The following SLC7A8 variants were observed in gnomAD, a reference collection of about 807,000 sequenced individuals.
The protein encoded by SLC7A8 is large neutral amino acids transporter small subunit 2.
Under a neutral mutation model 51.2 loss-of-function variants are expected in SLC7A8, and 30 were observed. The ratio of observed to expected loss-of-function variants is 0.59; its 90% confidence interval spans 0.44 to 0.80. SLC7A8 has a LOEUF of 0.80. SLC7A8 is among the 30% of genes least tolerant of loss of function. The pLI is 0.00. For missense variants in SLC7A8, 612 were observed against 674.4 expected, an observed-to-expected ratio of 0.91 and a Z score of 1.03; for synonymous variants, 257 against 275.8, an observed-to-expected ratio of 0.93 and a Z score of 0.67.
intron 1 of SLC7A8, among the ~76,000 whole-genome samples, chr14:23,175,463 C>T (rs1029440629): frequency 7.2e-5 from 11 of 152,202 alleles, no homozygotes; most frequent in African/African-American, 2.4e-4. Flanking sequence ...CCCACCTTGG[C>T]CTCCCAAAGT....
intron 1 of SLC7A8, among the ~76,000 whole-genome samples, chr14:23,171,114 G>A (rs2048973478): frequency 6.6e-6 from 1 of 152,162 alleles, no homozygotes; most frequent in African/African-American, 2.4e-5. Context: ...CTCATTGTCT[G>A]TAAAGCCACT....
chr14:23,173,883 C>T (rs2048987122), intron 1 of SLC7A8, among the ~76,000 whole-genome samples: 1 of 152,148 alleles, frequency 6.6e-6, no homozygotes, highest in Non-Finnish European at 1.5e-5. Flanking sequence ...CCAAGTGATC[C>T]TCCCACCTCA....
At position 23,129,708 on chromosome 14, in the gene SLC7A8, G is replaced by A. The variant is rs758342760; in HGVS notation, c.1205C>T (p.Thr402Met). 68 of 1,614,110 alleles carry A rather than the reference G, an allele frequency of 4.2e-5. No homozygotes were observed. Among genetic ancestry groups the A allele is most frequent in the Non-Finnish European group, 5.4e-5 (64 of 1,180,040 alleles). ...GFINYLFYGVTVAGQIVLRWK... is the reference protein window; with the variant it reads ...GFINYLFYGVMVAGQIVLRWK... ...GCGAAGGACTATCTGTCCAGCAACC[G>A]TGACCCCATAGAAGAGGTAGTTGAT... is the stretch of plus-strand genomic sequence containing the variant. The change falls in exon 9 of 11, where the codon ACG becomes ATG. Residue 402 changes from threonine (T) to methionine (M), a missense_variant. By Grantham distance (81) the Thr-to-Met change is moderately conservative. Transcript: ENST00000316902.
chr14:23,164,610 CTTT>C (rs113840221), intron 3 of SLC7A8, among the ~76,000 whole-genome samples: 2 of 134,362 alleles, frequency 1.5e-5, no homozygotes, highest in African/African-American at 3.0e-5. Context: ...AAGTTTCTTT[CTTT>C]TTTTTTTTTT....
chr14:23,183,159 G>C lies in SLC7A8; in HGVS notation c.-245C>G, dbSNP rs368673656. The stretch of plus-strand genomic sequence containing the variant: ...TGCTAAAAAAAAAAAAAAAAAAAAA[G>C]GCCAGGGGAGACATACATTTAAATA... On this transcript the variant is annotated 5_prime_UTR_variant, in exon 1 of 11. Coordinates refer to ENST00000316902, the MANE Select transcript of SLC7A8 (RefSeq NM_012244.4). 3.5e-6 allele frequency: 1 copy of C among 285,518 alleles called. No homozygotes were observed. Among genetic ancestry groups the C allele is most frequent in the Non-Finnish European group, 6.1e-6 (1 of 164,862 alleles). 17.7% of individuals were successfully genotyped at this position (285,518 alleles called of 1,614,324 possible).
intron 1 of SLC7A8, among the ~76,000 whole-genome samples, chr14:23,178,477 C>T (rs1195513099): frequency 6.6e-6 from 1 of 152,148 alleles, no homozygotes; most frequent in Non-Finnish European, 1.5e-5. Context: ...TTCCCAGCAG[C>T]CCTGCAGATA....
chr14:23,140,331 A>T, intron 5 of SLC7A8, 140 bp downstream of exon 5: 2 of 914,992 alleles, frequency 2.2e-6, no homozygotes, highest in Non-Finnish European at 3.3e-6. Context: ...GAAATGAACT[A>T]CGACTTCAGG....
intron 3 of SLC7A8, chr14:23,155,192 T>TC: frequency 6.5e-7 from 1 of 1,535,858 alleles, no homozygotes; most frequent in Non-Finnish European, 8.7e-7. Context: ...CGGAACCCCC[T>TC]CCAAAGGAGA....
intron 3 of SLC7A8, 138 bp from the exon 4 acceptor site, chr14:23,143,342 C>A: frequency 1.7e-6 from 2 of 1,199,944 alleles, no homozygotes; most frequent in African/African-American, 1.5e-5. Context: ...AAGCTCAACC[C>A]CAGGGACCAG....
chr14:23,139,365 C>T (rs2048720278), intron 6 of SLC7A8, 59 bp downstream of exon 6: 3 of 1,610,544 alleles, frequency 1.9e-6, no homozygotes, highest in South Asian at 2.2e-5. Context: ...AGTGGGGCTA[C>T]AGCAGGCAAG....
intron 1 of SLC7A8, among the ~76,000 whole-genome samples, chr14:23,176,113 C>T (rs1025494529): frequency 6.6e-6 from 1 of 152,144 alleles, no homozygotes; most frequent in African/African-American, 2.4e-5. Flanking sequence ...TTTCACACTC[C>T]CTCCCTCTGG....
intron 3 of SLC7A8, among the ~76,000 whole-genome samples, chr14:23,154,998 CAAA>C (rs33973055): frequency 0.079 from 7,051 of 89,428 alleles, 335 homozygotes; most frequent in African/African-American, 0.2. Flanking sequence ...ACACAACAGA[CAAA>C]AAAAAAAAAA....
At chr14:23,160,893 T>G (rs7157193) in intron 3 of SLC7A8, among the ~76,000 whole-genome samples, 111,486 of 151,854 alleles carry the variant, frequency 0.73, 43,711 homozygotes, top group Non-Finnish European at 0.87. Flanking sequence ...CTAATATACT[T>G]GTTCTGGAGA....
Position 23,163,026 on chromosome 14 carries a change from C to T in SLC7A8, c.508+2259G>A, listed in dbSNP as rs540644214. On this transcript the variant is annotated intron_variant, in intron 3 of 10. Coordinates refer to ENST00000316902, the MANE Select transcript of SLC7A8 (RefSeq NM_012244.4). ...CACTTCTGTGGCCTTGCCTCCCACCCTCCCATTAGCTGATCTGATGGCAGA... is the reference window on the plus strand; with the variant it reads ...CACTTCTGTGGCCTTGCCTCCCACCTTCCCATTAGCTGATCTGATGGCAGA... 2.6e-5 allele frequency among the ~76,000 whole-genome samples: 4 copies of T among 152,300 alleles called. No homozygotes were observed. In the East Asian group the frequency reaches 7.7e-4, roughly 29 times the overall value.
intron 4 of SLC7A8, among the ~76,000 whole-genome samples, chr14:23,142,698 C>T (rs984916882): frequency 2.0e-5 from 3 of 151,902 alleles, no homozygotes; most frequent in South Asian, 2.1e-4. Context: ...GATGGGATCT[C>T]GCTGTGCTGT....
At chr14:23,177,341 C>G (rs958288949) in intron 1 of SLC7A8, among the ~76,000 whole-genome samples, 1 of 152,214 alleles carries the variant, frequency 6.6e-6, no homozygotes, top group Admixed American at 6.5e-5. Flanking sequence ...CTGTCCAACC[C>G]TTGTTCAAAT....
intron 1 of SLC7A8, among the ~76,000 whole-genome samples, chr14:23,175,857 C>A (rs937409514): frequency 2.6e-5 from 4 of 152,290 alleles, no homozygotes; most frequent in South Asian, 2.1e-4. Context: ...CATCACCTAG[C>A]AATGTATGCT....
rs2140345189 is a variant in SLC7A8, at chr14:23,182,760, T to C, written c.151+4A>G. The C allele has an allele frequency of 6.4e-7, 1 of 1,553,788 alleles. No individual in the cohort carries two copies. The highest frequency in any genetic ancestry group is 1.7e-4 in the Middle Eastern group (1 of 5,750). On this transcript the variant is annotated splice_donor_region_variant and intron_variant, in intron 1 of 10. Transcript: ENST00000316902. ...AGGGGTCCGCGGGAAGGAATGGAAC[T>C]CACCTACGATGATACCACAGGCACT...
rs890390694 is a variant in SLC7A8, at chr14:23,129,873, C to G, written c.1114-74G>C. On this transcript the variant is annotated intron_variant, in intron 8 of 10. Transcript: ENST00000316902. Reference sequence around the variant, plus strand: ...CTGGTATTACAGATTAGGGGCTGTCCCCCAGCCTCCAGGCAGATGATGCCA... The same window carrying G: ...CTGGTATTACAGATTAGGGGCTGTCGCCCAGCCTCCAGGCAGATGATGCCA... The G allele has an allele frequency of 1.6e-5, 24 of 1,538,362 alleles. No homozygotes were observed. The East Asian group carries it at 3.9e-4, about 25-fold the overall frequency.
Sources: gnomAD v4.1 joint callset for allele counts (sites outside exome capture counted in the v4.1 genomes callset) on GRCh38, gnomAD v4.1.1 for gene constraint, MANE v1.5 for transcripts, NCBI Gene and HGNC (gene_info 2026-07-23, HGNC 2026-07-21) for gene names.